The following ARFIP1 variants were observed in gnomAD, a reference collection of about 807,000 sequenced individuals.
The protein encoded by ARFIP1 is arfaptin-1.
In ARFIP1, 24 loss-of-function variants were observed where a neutral mutation model predicts 42.5. The observed-to-expected ratio is 0.57, with a 90% CI of 0.41 to 0.80. ARFIP1 has a LOEUF of 0.80. Ranked by LOEUF, ARFIP1 falls within the 30% of genes least tolerant of loss-of-function variation. The pLI, the probability that ARFIP1 is intolerant of heterozygous loss-of-function variation, is 0.00. For missense variants in ARFIP1, 354 were observed against 434.0 expected (o/e 0.82, Z 1.64); for synonymous variants, 141 against 153.7 (o/e 0.92, Z 0.61).
At chr4:152,905,300 C>T (rs1326215614) in intron 8 of ARFIP1, among the ~76,000 whole-genome samples, 1 of 152,082 alleles carries the variant, frequency 6.6e-6, no homozygotes, top group East Asian at 1.9e-4. Context: ...TTTGCATTCC[C>T]AACAACTGTG....
chr4:152,903,912 C>T (rs1253341839), intron 8 of ARFIP1, among the ~76,000 whole-genome samples: 1 of 152,036 alleles, frequency 6.6e-6, no homozygotes, highest in African/African-American at 2.4e-5. Flanking sequence ...GATGCCCTTC[C>T]CACTTTCTTT....
At chr4:152,812,691 C>T (rs756213624) in intron 1 of ARFIP1, among the ~76,000 whole-genome samples, 7 of 152,234 alleles carry the variant, frequency 4.6e-5, no homozygotes, top group African/African-American at 7.2e-5. Context: ...AGAATGTCTA[C>T]ACTAGACTCA....
At chr4:152,826,983 A>C (rs1730888462) in intron 1 of ARFIP1, among the ~76,000 whole-genome samples, 1 of 152,186 alleles carries the variant, frequency 6.6e-6, no homozygotes, top group South Asian at 2.1e-4. Flanking sequence ...AATTCATAGC[A>C]ACAAGTAGGG....
intron 3 of ARFIP1, among the ~76,000 whole-genome samples, chr4:152,868,848 T>C (rs1734627196): frequency 6.6e-6 from 1 of 152,172 alleles, no homozygotes; most frequent in African/African-American, 2.4e-5. Flanking sequence ...ACTTGTAGAT[T>C]AGTGATTTCT....
chr4:152,870,715 G>A, intron 3 of ARFIP1, 38 bp from the exon 4 acceptor site: 1 of 1,464,374 alleles, frequency 6.8e-7, no homozygotes, highest in South Asian at 1.1e-5. Flanking sequence ...TGTGGAGGAG[G>A]AAAAGGATTT....
At chr4:152,795,309 T>A (rs531180388) in intron 1 of ARFIP1, among the ~76,000 whole-genome samples, 1 of 152,342 alleles carries the variant, frequency 6.6e-6, no homozygotes, top group South Asian at 2.1e-4. Context: ...CAGTTAACAC[T>A]GTGTCCTGGA....
Position 152,780,033 on chromosome 4 carries a change from C to CG in ARFIP1, c.-201dup, listed in dbSNP as rs931265733. The CG allele has an allele frequency of 5.9e-5, 9 of 152,484 alleles. No individual in the cohort carries two copies. The highest frequency in any genetic ancestry group is 2.2e-4 in the African/African-American group (9 of 41,474). The allele number at this position is 152,484 out of a possible 1,614,324, so 9.4% of individuals were successfully genotyped here. A position where few individuals can be genotyped will look rare whatever the true frequency, so the allele number is the denominator to read the frequency against. On this transcript the variant is annotated 5_prime_UTR_variant, in exon 1 of 9. Transcript: ENST00000353617. ...AGGTCGCCGGTCCGACTGTCCTCGG[C>CG]GGTTGGTCAGTGTGAATTTGTGACA...
At chr4:152,817,471 T>G (rs1729992377) in intron 1 of ARFIP1, among the ~76,000 whole-genome samples, 1 of 152,136 alleles carries the variant, frequency 6.6e-6, no homozygotes, top group African/African-American at 2.4e-5. Flanking sequence ...TCAGAATGAA[T>G]CAAAGACCTA....
chr4:152,901,344 A>G (rs1245927880), intron 8 of ARFIP1, among the ~76,000 whole-genome samples: 2 of 152,202 alleles, frequency 1.3e-5, no homozygotes, highest in Non-Finnish European at 2.9e-5. Context: ...GGCATCATCT[A>G]TCAGTTCTGC....
chr4:152,902,895 G>T (rs770754175), intron 8 of ARFIP1, among the ~76,000 whole-genome samples: 6 of 152,170 alleles, frequency 3.9e-5, no homozygotes, highest in Non-Finnish European at 8.8e-5. Flanking sequence ...CTGGTAAAGT[G>T]AACCTGATAA....
At chr4:152,824,751 G>A (rs568576362) in intron 1 of ARFIP1, among the ~76,000 whole-genome samples, 36 of 152,208 alleles carry the variant, frequency 2.4e-4, no homozygotes, top group Non-Finnish European at 4.6e-4. Flanking sequence ...GAGGAAGTCC[G>A]GTGATCTCTG....
Position 152,818,404 on chromosome 4 carries a change from G to A in ARFIP1, c.-9-11221G>A, listed in dbSNP as rs1730080947. ...TGGAGCTGATTTAGTGAGCAGTGGG[G>A]AATATATGGGAAGGAGCCCCATCAG... On this transcript the variant is annotated intron_variant, in intron 1 of 8. Transcript: ENST00000353617. 2.0e-5 allele frequency among the ~76,000 whole-genome samples: 3 copies of A among 152,168 alleles called. No homozygotes were observed. In the South Asian group the frequency reaches 6.2e-4, roughly 32 times the overall value.
At chr4:152,811,478 G>A (rs1729460181) in intron 1 of ARFIP1, among the ~76,000 whole-genome samples, 1 of 152,126 alleles carries the variant, frequency 6.6e-6, no homozygotes, top group South Asian at 2.1e-4. Flanking sequence ...AGATATTGAA[G>A]TTGGAAGAAT....
chr4:152,826,231 A>G (rs1216991539), intron 1 of ARFIP1, among the ~76,000 whole-genome samples: 2 of 152,212 alleles, frequency 1.3e-5, no homozygotes, highest in African/African-American at 4.8e-5. Context: ...GTGCCCAACA[A>G]CCAATGAGTA....
intron 1 of ARFIP1, among the ~76,000 whole-genome samples, chr4:152,806,590 A>C (rs1403136205): frequency 6.6e-6 from 1 of 152,246 alleles, no homozygotes; most frequent in Non-Finnish European, 1.5e-5. Context: ...GTTTTGACAC[A>C]TATATAAACT....
intron 2 of ARFIP1, among the ~76,000 whole-genome samples, chr4:152,855,012 T>C (rs183290473): frequency 5.9e-4 from 90 of 152,342 alleles, no homozygotes; most frequent in Non-Finnish European, 1.0e-3. Flanking sequence ...TCTAGGCAGC[T>C]AGCATAGCAT....
chr4:152,796,804 G>T, intron 1 of ARFIP1: 1 of 662,786 alleles, frequency 1.5e-6, no homozygotes, highest in Non-Finnish European at 2.8e-6. Context: ...TAGCATTTAT[G>T]GTGTAATTCA....
At chr4:152,858,352 C>A (rs1578947899) in intron 2 of ARFIP1, among the ~76,000 whole-genome samples, 1 of 151,986 alleles carries the variant, frequency 6.6e-6, no homozygotes, top group East Asian at 1.9e-4. Context: ...GGCAGTACTT[C>A]CTTCCTTCCT....
intron 1 of ARFIP1, among the ~76,000 whole-genome samples, chr4:152,792,503 C>G (rs1327423894): frequency 2.0e-5 from 3 of 152,180 alleles, no homozygotes; most frequent in African/African-American, 7.2e-5. Flanking sequence ...CATACCACTT[C>G]AGACCACCTG....
Sources: gnomAD v4.1 joint callset for allele counts (sites outside exome capture counted in the v4.1 genomes callset) on GRCh38, gnomAD v4.1.1 for gene constraint, MANE v1.5 for transcripts, NCBI Gene and HGNC (gene_info 2026-07-23, HGNC 2026-07-21) for gene names.